The following PSME4 variants were observed in gnomAD, a reference collection of about 807,000 sequenced individuals.
The protein encoded by PSME4 is proteasome activator subunit 4, also known as proteasome activator complex subunit 4.
A neutral mutation model predicts 253.9 loss-of-function variants in PSME4; 89 were observed. That is an observed-to-expected ratio of 0.35 (90% CI 0.30 to 0.42). The LOEUF (loss-of-function observed/expected upper bound fraction) is 0.42. Among genes scored for constraint, PSME4 ranks in the 10% least tolerant of loss-of-function variants. The pLI, the probability that PSME4 is intolerant of heterozygous loss-of-function variation, is 1.00. For synonymous variants in PSME4, 851 were observed against 759.2 expected, an observed-to-expected ratio of 1.12 and a Z score of -1.99; for missense variants, 2,014 against 2,195.2, an observed-to-expected ratio of 0.92 and a Z score of 1.65.
In PSME4 at chr2:53,928,095, G is replaced by C. The variant is rs780459876; in HGVS notation, c.1503+22C>G. On this transcript the variant is annotated intron_variant, in intron 11 of 46. Transcript: ENST00000404125. ...TTTGCCTCCTACCTAAATACGGAGT[G>C]TATAATCACCAATATACTCACCATG... is the stretch of plus-strand genomic sequence containing the variant. 9 of 1,585,882 alleles carry C rather than the reference G, an allele frequency of 5.7e-6. No homozygotes were observed. The Admixed American group carries it at 1.5e-4, about 27-fold the overall frequency.
intron 31 of PSME4, 34 bp from the exon 32 acceptor site, chr2:53,896,919 A>G (rs1426337425): frequency 6.6e-7 from 1 of 1,524,104 alleles, no homozygotes; most frequent in African/African-American, 1.4e-5. Flanking sequence ...TTCATAAAAA[A>G]AAGTTTAAAT....
At chr2:53,868,519 TATAATATA>T (rs1558638254) in intron 44 of PSME4, among the ~76,000 whole-genome samples, 46 of 58,762 alleles carry the variant, frequency 7.8e-4, no homozygotes, top group Non-Finnish European at 1.4e-3. Flanking sequence ...AAAATATATT[TATAATATA>T]TATAATATAT....
At chr2:53,924,367 T>C (rs947495618) in intron 14 of PSME4, among the ~76,000 whole-genome samples, 1 of 152,164 alleles carries the variant, frequency 6.6e-6, no homozygotes, top group African/African-American at 2.4e-5. Context: ...TAATTACAGA[T>C]GATGGGAGAA....
chr2:53,933,007 T>C (rs1295335544), intron 8 of PSME4: 2 of 427,054 alleles, frequency 4.7e-6, no homozygotes, highest in African/African-American at 3.9e-5. Context: ...AAAAAATACC[T>C]GTCAACTTAG....
intron 17 of PSME4, among the ~76,000 whole-genome samples, chr2:53,922,218 G>T (rs1489527878): frequency 6.6e-6 from 1 of 152,040 alleles, no homozygotes; most frequent in Non-Finnish European, 1.5e-5. Flanking sequence ...TTTGATTGAT[G>T]GCCAAATTTA....
chr2:53,951,709 T>C (rs537782671), intron 1 of PSME4, among the ~76,000 whole-genome samples: 6 of 151,940 alleles, frequency 3.9e-5, no homozygotes, highest in African/African-American at 1.4e-4. Flanking sequence ...GCTCATGGAG[T>C]TTTCCAATTT....
At chr2:53,966,478 A>T (rs1344417994) in intron 1 of PSME4, among the ~76,000 whole-genome samples, 1 of 152,028 alleles carries the variant, frequency 6.6e-6, no homozygotes, top group Non-Finnish European at 1.5e-5. Flanking sequence ...CCTGGCCAAC[A>T]TGGGGAAACC....
rs374264576 is a variant in PSME4 at position 53,960,906 on chromosome 2, G to C, written c.242+9637C>G. Among the ~76,000 whole-genome samples, 45 of 152,116 alleles carry C rather than the reference G, an allele frequency of 3.0e-4. No individual in the cohort carries two copies. The East Asian group carries it at 6.4e-3, about 22-fold the overall frequency. On this transcript the variant is annotated intron_variant, in intron 1 of 46. Coordinates refer to ENST00000404125, the MANE Select transcript of PSME4 (RefSeq NM_014614.3). ...GCGGATCACGTGAGGTGAGGAGTTC[G>C]AGACCAGCCTGACCAACATGGAGAA...
rs751253047 is a variant in PSME4, at chr2:53,906,858, T to C, written c.2795A>G (p.Lys932Arg). 2 of 1,613,332 alleles carry C rather than the reference T, an allele frequency of 1.2e-6. No homozygotes were observed. The highest frequency in any genetic ancestry group is 2.7e-5 in the African/African-American group (2 of 74,920). ...CAACAGTGCTCTGATATGTTGTTTT[T>C]TCCCATGGAGCTGGAAAACAAAGTA... The part of the protein sequence containing the change: ...KKSMENRLHG[K>R]KQHIRALLID... Residue 932 changes from lysine to arginine, a missense_variant, in exon 25 of 47, where the codon AAA (lysine) becomes AGA (arginine). Physicochemically the swap from Lys to Arg is conservative, Grantham distance 26. Transcript: ENST00000404125.
intron 43 of PSME4, 53 bp downstream of exon 43, chr2:53,874,286 T>A (rs535033151): frequency 9.1e-6 from 14 of 1,534,628 alleles, no homozygotes; most frequent in Non-Finnish European, 1.2e-5. Flanking sequence ...AAGGGAACCA[T>A]GATGGTTTCT....
At chr2:53,873,566 G>C (rs1175925676) in intron 43 of PSME4, among the ~76,000 whole-genome samples, 3 of 152,098 alleles carry the variant, frequency 2.0e-5, no homozygotes, top group African/African-American at 7.2e-5. Context: ...TCTTACATTT[G>C]GCTGTATGGG....
intron 1 of PSME4, among the ~76,000 whole-genome samples, chr2:53,963,005 G>C (rs1235613948): frequency 6.9e-6 from 1 of 145,500 alleles, no homozygotes; most frequent in Non-Finnish European, 1.5e-5. Flanking sequence ...GCGAGACTCA[G>C]TGTCAAAAAA....
rs77741355 is a variant in PSME4 at position 53,949,448 on chromosome 2, CTT to C, written c.243-167_243-166del. Among the ~76,000 whole-genome samples the C allele has an allele frequency of 3.1e-3, 431 of 139,324 alleles. 1 individual carries two copies. The highest frequency in any genetic ancestry group is 7.9e-3 in the African/African-American group (297 of 37,596). 91.4% of individuals were successfully genotyped at this position (139,324 alleles called of 152,430 possible). On this transcript the variant is annotated intron_variant, in intron 1 of 46. Transcript: ENST00000404125. Reference sequence around the variant, plus strand: ...CATATACAACACAATGGATTATTGTCTTTTTTTTTTTTTTTTAACATTTCATG... The same window carrying C: ...CATATACAACACAATGGATTATTGTCTTTTTTTTTTTTTTAACATTTCATG...
intron 1 of PSME4, among the ~76,000 whole-genome samples, chr2:53,968,616 T>C (rs13432266): frequency 0.021 from 3,249 of 152,250 alleles, 107 homozygotes; most frequent in African/African-American, 0.075. Flanking sequence ...TAGTGCAATA[T>C]CAAGAATCAG....
intron 24 of PSME4, chr2:53,908,043 A>C (rs1667649881): frequency 3.0e-6 from 1 of 334,442 alleles, no homozygotes; most frequent in Admixed American, 4.5e-5. Flanking sequence ...AAATTCCTTC[A>C]AGTTCTTACA....
At chr2:53,902,440 C>A (rs2104436306) in intron 27 of PSME4, among the ~76,000 whole-genome samples, 1 of 152,270 alleles carries the variant, frequency 6.6e-6, no homozygotes, top group East Asian at 1.9e-4. Flanking sequence ...CTTTTGATTT[C>A]CAATTTACCT....
intron 1 of PSME4, among the ~76,000 whole-genome samples, chr2:53,958,398 T>C (rs922357305): frequency 1.3e-5 from 2 of 151,766 alleles, no homozygotes; most frequent in African/African-American, 4.8e-5. Context: ...TGTCATAAAC[T>C]AAGCCACAAA....
At chr2:53,949,994 G>C (rs185318849) in intron 1 of PSME4, among the ~76,000 whole-genome samples, 1 of 152,110 alleles carries the variant, frequency 6.6e-6, no homozygotes, top group Non-Finnish European at 1.5e-5. Flanking sequence ...ACATAACCAG[G>C]CCAGGCAAAG....
intron 34 of PSME4, 50 bp from the exon 35 acceptor site, chr2:53,893,849 T>C (rs1173985759): frequency 4.6e-6 from 7 of 1,519,366 alleles, no homozygotes; most frequent in Non-Finnish European, 6.1e-6. Flanking sequence ...TCCACTTAAA[T>C]ACATGATTCT....
Sources: gnomAD v4.1 joint callset for allele counts (sites outside exome capture counted in the v4.1 genomes callset) on GRCh38, gnomAD v4.1.1 for gene constraint, MANE v1.5 for transcripts, NCBI Gene and HGNC (gene_info 2026-07-23, HGNC 2026-07-21) for gene names.